The following MARCHF1 variants were observed in gnomAD, a reference collection of about 807,000 sequenced individuals.
The protein encoded by MARCHF1 is membrane associated ring-CH-type finger 1, also known as E3 ubiquitin-protein ligase MARCHF1.
MARCHF1 carries 40 observed loss-of-function variants against 54.2 expected under a neutral mutation model. That is an observed-to-expected ratio of 0.74 (90% CI 0.57 to 0.96). The LOEUF is 0.96. Ranked by LOEUF, MARCHF1 falls within the 40% of genes least tolerant of loss-of-function variation. The pLI is 0.00. For missense variants in MARCHF1, 586 were observed against 656.5 expected, an observed-to-expected ratio of 0.89 and a Z score of 1.17; for synonymous variants, 236 against 236.3, an observed-to-expected ratio of 1.00 and a Z score of 0.01.
At chr4:164,022,431 A>G (rs1472399463) in intron 2 of MARCHF1, among the ~76,000 whole-genome samples, 1 of 152,196 alleles carries the variant, frequency 6.6e-6, no homozygotes, top group Non-Finnish European at 1.5e-5. Context: ...CCAAGGCTGA[A>G]GAGAAAGAAA....
chr4:163,744,420 C>G (rs953634897), intron 4 of MARCHF1, among the ~76,000 whole-genome samples: 1 of 152,170 alleles, frequency 6.6e-6, no homozygotes. Context: ...ATGTCCTTGT[C>G]TAGGTATCTG....
At chr4:163,778,336 T>G (rs1747363953) in intron 4 of MARCHF1, among the ~76,000 whole-genome samples, 1 of 152,220 alleles carries the variant, frequency 6.6e-6, no homozygotes, top group South Asian at 2.1e-4. Flanking sequence ...CATAAGAAAC[T>G]GCAAAATTGT....
intron 3 of MARCHF1, among the ~76,000 whole-genome samples, chr4:163,875,380 T>G (rs1012182623): frequency 6.6e-6 from 1 of 152,120 alleles, no homozygotes; most frequent in African/African-American, 2.4e-5. Context: ...GTCTCAGCAG[T>G]AAAATATACT....
intron 1 of MARCHF1, among the ~76,000 whole-genome samples, chr4:164,247,984 C>T (rs4639029): frequency 0.98 from 149,029 of 151,542 alleles, 73,289 homozygotes; most frequent in East Asian, 1. Context: ...ATCTACCACA[C>T]TGTCTCATAA....
chr4:163,938,438 G>C (rs1295065611), intron 3 of MARCHF1, among the ~76,000 whole-genome samples: 2 of 152,138 alleles, frequency 1.3e-5, no homozygotes, highest in Admixed American at 6.6e-5. Context: ...GCTCTTAAAA[G>C]AGTTAGGCAT....
At chr4:164,237,325 A>C (rs912850470) in intron 1 of MARCHF1, among the ~76,000 whole-genome samples, 5 of 152,124 alleles carry the variant, frequency 3.3e-5, no homozygotes, top group African/African-American at 1.2e-4. Context: ...TTAAACATGA[A>C]GCACTTACTG....
chr4:163,649,996 T>C lies in MARCHF1; in HGVS notation c.163-36603A>G, dbSNP rs575807358. On this transcript the variant is annotated intron_variant, in intron 5 of 9. Transcript: ENST00000514618. ...CATAAAGAAGATAAATAAATAGTCC[T>C]GGGTAGATCTTTAGGATGTAAGCTC... Among the ~76,000 whole-genome samples the C allele has an allele frequency of 1.7e-3, 252 of 152,074 alleles. 1 individual carries two copies. Among genetic ancestry groups the C allele is most frequent in the Admixed American group, 5.8e-3 (88 of 15,228 alleles).
chr4:164,146,549 C>A (rs532992055), intron 1 of MARCHF1, among the ~76,000 whole-genome samples: 19 of 152,176 alleles, frequency 1.2e-4, no homozygotes, highest in Non-Finnish European at 2.4e-4. Flanking sequence ...CTTTGACAAA[C>A]CTGAGAAAAA....
At chr4:164,016,387 A>T (rs1318339620) in intron 2 of MARCHF1, among the ~76,000 whole-genome samples, 1 of 151,712 alleles carries the variant, frequency 6.6e-6, no homozygotes, top group African/African-American at 2.4e-5. Flanking sequence ...CAATCATCTC[A>T]CACTAGGTCT....
At chr4:164,268,001 A>G (rs1408136517) in intron 1 of MARCHF1, among the ~76,000 whole-genome samples, 4 of 152,010 alleles carry the variant, frequency 2.6e-5, no homozygotes, top group Non-Finnish European at 1.5e-5. Context: ...GGAAAAAAAA[A>G]TCCTCTCTGG....
chr4:163,679,373 C>CT (rs1454096021), intron 5 of MARCHF1, among the ~76,000 whole-genome samples: 1 of 152,132 alleles, frequency 6.6e-6, no homozygotes, highest in East Asian at 1.9e-4. Context: ...CCTACTGCCA[C>CT]TTAACGCTTT....
intron 2 of MARCHF1, among the ~76,000 whole-genome samples, chr4:164,035,103 A>T (rs1481572124): frequency 6.6e-6 from 1 of 152,130 alleles, no homozygotes; most frequent in East Asian, 1.9e-4. Flanking sequence ...TCATATTTTA[A>T]TTAATATTTT....
chr4:163,680,122 G>A (rs1029045854), intron 5 of MARCHF1, among the ~76,000 whole-genome samples: 4 of 151,802 alleles, frequency 2.6e-5, no homozygotes, highest in African/African-American at 9.7e-5. Context: ...CTGAGTCCAA[G>A]GATCTTCCAT....
At chr4:164,095,094 A>G (rs530720352) in intron 2 of MARCHF1, among the ~76,000 whole-genome samples, 2 of 152,258 alleles carry the variant, frequency 1.3e-5, no homozygotes, top group Admixed American at 6.5e-5. Context: ...CAAAATGCTA[A>G]CCACAAATAA....
At chr4:163,572,250 T>G (rs146572390) in intron 8 of MARCHF1, among the ~76,000 whole-genome samples, 2 of 152,140 alleles carry the variant, frequency 1.3e-5, no homozygotes, top group Admixed American at 6.6e-5. Flanking sequence ...ATATGAAGGA[T>G]TTTCTTTATA....
chr4:163,873,557 TACCTG>T (rs1750225625), intron 3 of MARCHF1, among the ~76,000 whole-genome samples: 3 of 152,210 alleles, frequency 2.0e-5, no homozygotes, highest in Non-Finnish European at 4.4e-5. Flanking sequence ...AGCCCTGTGT[TACCTG>T]ATGGTAAATT....
chr4:164,329,625 A>G (rs1735373650), intron 1 of MARCHF1, among the ~76,000 whole-genome samples: 1 of 152,212 alleles, frequency 6.6e-6, no homozygotes, highest in Non-Finnish European at 1.5e-5. Context: ...CAAGCTATAC[A>G]GGAAGCACAG....
chr4:163,703,829 G>T (rs1744874668), intron 4 of MARCHF1, among the ~76,000 whole-genome samples: 1 of 151,984 alleles, frequency 6.6e-6, no homozygotes, highest in South Asian at 2.1e-4. Flanking sequence ...GTTCTGTTTT[G>T]TGACTATTAT....
chr4:163,737,350 A>C, intron 4 of MARCHF1, among the ~76,000 whole-genome samples: 2 of 61,690 alleles, frequency 3.2e-5, no homozygotes, highest in East Asian at 2.8e-4. Context: ...ATATCTCCCA[A>C]TGCTATCCCT....
Sources: gnomAD v4.1 joint callset for allele counts (sites outside exome capture counted in the v4.1 genomes callset) on GRCh38, gnomAD v4.1.1 for gene constraint, MANE v1.5 for transcripts, NCBI Gene and HGNC (gene_info 2026-07-23, HGNC 2026-07-21) for gene names.